Variants in MYT1L observed in about 807,000 individuals in gnomAD.
MYT1L encodes the protein myelin transcription factor 1-like protein.
Under a neutral mutation model 126.7 loss-of-function variants are expected in MYT1L, and 12 were observed. The observed-to-expected ratio is 0.09, with a 90% CI of 0.06 to 0.15. The LOEUF (loss-of-function observed/expected upper bound fraction) is 0.15. Ranked by LOEUF, MYT1L falls within the 10% of genes least tolerant of loss-of-function variation. The pLI is 1.00. For missense variants in MYT1L, 979 were observed against 1,585.2 expected (o/e 0.62, Z 6.49); for synonymous variants, 541 against 604.2 (o/e 0.90, Z 1.53).
chr2:2,025,888 A>C (rs1014662725), intron 4 of MYT1L, among the ~76,000 whole-genome samples: 42 of 152,260 alleles, frequency 2.8e-4, no homozygotes, highest in African/African-American at 9.6e-4. Flanking sequence ...AACAAGATAC[A>C]TGAAGCAAAA....
chr2:1,879,522 G>A (rs188733196), intron 18 of MYT1L, among the ~76,000 whole-genome samples: 13 of 152,194 alleles, frequency 8.5e-5, no homozygotes, highest in Non-Finnish European at 8.8e-5. Flanking sequence ...TTAATTAGGT[G>A]TGAAATATGA....
chr2:2,289,245 A>G (rs114569906), intron 1 of MYT1L, among the ~76,000 whole-genome samples: 1 of 152,334 alleles, frequency 6.6e-6, no homozygotes, highest in African/African-American at 2.4e-5. Flanking sequence ...ACTGCCAGAT[A>G]CGTTGAAGTT....
intron 18 of MYT1L, among the ~76,000 whole-genome samples, chr2:1,854,457 C>A (rs763924681): frequency 6.6e-6 from 1 of 152,070 alleles, no homozygotes; most frequent in East Asian, 1.9e-4. Flanking sequence ...ATGAGATTAA[C>A]GGAAAATAGC....
intron 1 of MYT1L, among the ~76,000 whole-genome samples, chr2:2,290,724 G>A (rs187042693): frequency 2.0e-5 from 3 of 152,082 alleles, no homozygotes; most frequent in Admixed American, 6.5e-5. Flanking sequence ...AATTACCTGC[G>A]ACCTTTGGAA....
chr2:1,800,115 T>A (rs1039464124), intron 23 of MYT1L: 6 of 152,284 alleles, frequency 3.9e-5, no homozygotes, highest in African/African-American at 1.4e-4. Context: ...ATTTTTGATC[T>A]GTCCCAATTA....
chr2:1,830,372 G>T (rs942543886), intron 21 of MYT1L, among the ~76,000 whole-genome samples: 1 of 152,182 alleles, frequency 6.6e-6, no homozygotes, highest in East Asian at 1.9e-4. Flanking sequence ...GTTGGTATGC[G>T]GAGGTGCTTA....
rs1472515258 is a variant in MYT1L, at chr2:1,943,597, T to G, written c.153-263A>C. 2.0e-5 allele frequency among the ~76,000 whole-genome samples: 3 copies of G among 152,212 alleles called. No individual in the cohort carries two copies. Among genetic ancestry groups the G allele is most frequent in the Non-Finnish European group, 4.4e-5 (3 of 68,050 alleles). On this transcript the variant is annotated intron_variant, in intron 8 of 24. Coordinates refer to ENST00000647738, the MANE Select transcript of MYT1L (RefSeq NM_001303052.2). The surrounding 1 kb of genome is among the most constrained non-coding windows in gnomAD (Gnocchi z 4.4). ...TTAGTCCAAGTCTCCTAGTTCCTCG[T>G]TCCTATAATTCCAGAGATCCTACGA...
intron 11 of MYT1L, among the ~76,000 whole-genome samples, chr2:1,915,129 G>T (rs545250224): frequency 2.0e-5 from 3 of 152,286 alleles, no homozygotes; most frequent in East Asian, 3.9e-4. Context: ...TGTCCTCAGT[G>T]GTCCTGACAC....
chr2:2,088,901 T>C (rs1217311626), intron 3 of MYT1L, among the ~76,000 whole-genome samples: 1 of 152,222 alleles, frequency 6.6e-6, no homozygotes, highest in Non-Finnish European at 1.5e-5. Context: ...ATCCTACAAA[T>C]ACAGACTGAA....
At chr2:2,227,273 C>T (rs2094034260) in intron 2 of MYT1L, among the ~76,000 whole-genome samples, 1 of 152,140 alleles carries the variant, frequency 6.6e-6, no homozygotes, top group Non-Finnish European at 1.5e-5. Context: ...ATGGATGACT[C>T]CCAAAGCGTA....
intron 11 of MYT1L, among the ~76,000 whole-genome samples, chr2:1,913,974 T>C (rs1042276680): frequency 6.6e-6 from 1 of 152,084 alleles, no homozygotes; most frequent in African/African-American, 2.4e-5. Flanking sequence ...CAAGAAACCC[T>C]TCCGGGCGTG....
At chr2:2,238,533 T>A (rs965148010) in intron 2 of MYT1L, among the ~76,000 whole-genome samples, 3 of 152,234 alleles carry the variant, frequency 2.0e-5, no homozygotes, top group Non-Finnish European at 4.4e-5. Flanking sequence ...AGATCCATTG[T>A]GCTGGGTGAC....
intron 2 of MYT1L, among the ~76,000 whole-genome samples, chr2:2,261,691 A>G (rs1166244083): frequency 6.6e-6 from 1 of 152,240 alleles, no homozygotes. Context: ...ACAATTGAAA[A>G]TAATACATTT....
At chr2:2,145,734 TA>T (rs1559140953) in intron 3 of MYT1L, among the ~76,000 whole-genome samples, 2 of 152,078 alleles carry the variant, frequency 1.3e-5, no homozygotes. Flanking sequence ...AGCAGACTTT[TA>T]AAAAAATTAA....
intron 18 of MYT1L, among the ~76,000 whole-genome samples, chr2:1,862,259 A>G (rs1271524537): frequency 1.6e-5 from 2 of 127,250 alleles, no homozygotes; most frequent in African/African-American, 8.0e-5. Context: ...TAATTTTTCA[A>G]GAGGTTTTTA....
chr2:2,229,917 T>C (rs1437678560), intron 2 of MYT1L, among the ~76,000 whole-genome samples: 3 of 152,236 alleles, frequency 2.0e-5, no homozygotes, highest in Non-Finnish European at 4.4e-5. Context: ...TATTTATAAA[T>C]CCTTCCGGTG....
chr2:2,284,764 G>A (rs558625189), intron 1 of MYT1L, among the ~76,000 whole-genome samples: 1 of 142,194 alleles, frequency 7.0e-6, no homozygotes, highest in East Asian at 2.0e-4. Context: ...GGAGTGCAGT[G>A]GCGGGATCTT....
intron 2 of MYT1L, among the ~76,000 whole-genome samples, chr2:2,245,670 G>A (rs57243154): frequency 9.9e-5 from 15 of 151,642 alleles, no homozygotes; most frequent in Middle Eastern, 3.2e-3. Flanking sequence ...AGCTGAGGAC[G>A]GTCTACCTCC....
intron 1 of MYT1L, among the ~76,000 whole-genome samples, chr2:2,308,752 T>G (rs1263044645): frequency 1.3e-5 from 2 of 151,956 alleles, no homozygotes; most frequent in Non-Finnish European, 2.9e-5. Flanking sequence ...TACCTACACT[T>G]CAGTACACTC....
Sources: allele counts gnomAD v4.1 joint callset (sites outside exome capture counted in the v4.1 genomes callset), GRCh38; gene constraint gnomAD v4.1.1; non-coding constraint Gnocchi (gnomAD v3.1); transcripts MANE v1.5; gene names NCBI Gene and HGNC (gene_info 2026-07-23, HGNC 2026-07-21).